BRINP3: variants seen among roughly 807,000 people sequenced by gnomAD.
The protein encoded by BRINP3 is BMP/retinoic acid inducible neural specific 3.
In BRINP3, 19 loss-of-function variants were observed where a neutral mutation model predicts 71.0. The observed-to-expected ratio is 0.27, with a 90% CI of 0.19 to 0.39. The LOEUF (loss-of-function observed/expected upper bound fraction) is 0.39. Among genes scored for constraint, BRINP3 ranks in the 10% least tolerant of loss-of-function variants. The pLI is 1.00. For synonymous variants in BRINP3, 380 were observed against 337.7 expected (o/e 1.13, Z -1.37); for missense variants, 959 against 940.8 (o/e 1.02, Z -0.25).
chr1:190,173,477 C>G (rs191259155), intron 6 of BRINP3, among the ~76,000 whole-genome samples: 1 of 152,172 alleles, frequency 6.6e-6, no homozygotes, highest in Non-Finnish European at 1.5e-5. Flanking sequence ...ATACATTGGT[C>G]TTCATCTCCT....
At chr1:190,440,622 A>C (rs1254484234) in intron 2 of BRINP3, among the ~76,000 whole-genome samples, 1 of 151,966 alleles carries the variant, frequency 6.6e-6, no homozygotes, top group African/African-American at 2.4e-5. Context: ...AGGCTGATAA[A>C]ATTTTATACA....
chr1:190,437,908 T>G (rs2102541559), intron 2 of BRINP3, among the ~76,000 whole-genome samples: 1 of 151,844 alleles, frequency 6.6e-6, no homozygotes, highest in African/African-American at 2.4e-5. Context: ...CTACGGGATT[T>G]TGTTACAAAT....
intron 3 of BRINP3, among the ~76,000 whole-genome samples, chr1:190,276,464 C>A (rs1662560723): frequency 6.6e-6 from 1 of 151,466 alleles, no homozygotes; most frequent in African/African-American, 2.4e-5. Flanking sequence ...AGTTCTTATT[C>A]TTATGGGAAT....
Position 190,454,740 on chromosome 1 carries a change from T to C in BRINP3, c.151A>G (p.Lys51Glu). Residue 51 changes from lysine to glutamate, a missense_variant, in exon 2 of 8, where the codon AAG (lysine) becomes GAG (glutamate). Coordinates refer to ENST00000367462, the MANE Select transcript of BRINP3 (RefSeq NM_199051.3). Reference protein sequence around the residue: ...TSPFDWLLSDKGPFHRSQEYT... With the variant: ...TSPFDWLLSDEGPFHRSQEYT... ...TCCTGTGAGCGATGGAAGGGTCCCT[T>C]ATCAGAGAGGAGCCAGTCGAAGGGG... 2 of 1,614,148 alleles carry C rather than the reference T, an allele frequency of 1.2e-6. No homozygotes were observed. The highest frequency in any genetic ancestry group is 1.7e-6 in the Non-Finnish European group (2 of 1,180,030).
At position 190,405,031 on chromosome 1, in the gene BRINP3, G is replaced by A. The variant is rs141222970; in HGVS notation, c.236+49624C>T. Among the ~76,000 whole-genome samples the A allele has an allele frequency of 4.7e-4, 72 of 152,162 alleles. 1 individual carries two copies. Among genetic ancestry groups the A allele is most frequent in the Non-Finnish European group, 9.0e-4 (61 of 67,992 alleles). ...TATTAAAAAATGAACCAAAAAGAAA[G>A]CGACTGTTCTTTAATTTATGGAAGT... is the stretch of plus-strand genomic sequence containing the variant. On this transcript the variant is annotated intron_variant, in intron 2 of 7. Transcript: ENST00000367462.
At chr1:190,179,525 C>A (rs1652844830) in intron 6 of BRINP3, among the ~76,000 whole-genome samples, 5 of 152,072 alleles carry the variant, frequency 3.3e-5, no homozygotes, top group Non-Finnish European at 7.4e-5. Flanking sequence ...TCCATTTTTT[C>A]TACACTGTTT....
chr1:190,182,333 G>A (rs1339136916), intron 6 of BRINP3, among the ~76,000 whole-genome samples: 2 of 151,934 alleles, frequency 1.3e-5, no homozygotes. Context: ...TGGATCTTTT[G>A]TTAGAGTACT....
intron 2 of BRINP3, among the ~76,000 whole-genome samples, chr1:190,360,534 C>A (rs923073694): frequency 3.3e-5 from 5 of 152,108 alleles, no homozygotes; most frequent in Non-Finnish European, 5.9e-5. Flanking sequence ...CATATGAATT[C>A]TTTCATTAAC....
chr1:190,178,808 C>T (rs1239712603), intron 6 of BRINP3, among the ~76,000 whole-genome samples: 1 of 151,904 alleles, frequency 6.6e-6, no homozygotes, highest in East Asian at 1.9e-4. Context: ...AATGATAAAA[C>T]AATATCTCAG....
At chr1:190,448,462 T>TG (rs369062394) in intron 2 of BRINP3, among the ~76,000 whole-genome samples, 30,471 of 118,406 alleles carry the variant, frequency 0.26, 3,158 homozygotes, top group Middle Eastern at 0.29. Flanking sequence ...ACACTTGGGG[T>TG]TTGTGTGTGT....
chr1:190,251,870 T>C (rs905112761), intron 4 of BRINP3, among the ~76,000 whole-genome samples: 1 of 146,224 alleles, frequency 6.8e-6, no homozygotes, highest in Non-Finnish European at 1.5e-5. Flanking sequence ...CAACAAATAG[T>C]TTCCTTATTT....
intron 1 of BRINP3, among the ~76,000 whole-genome samples, chr1:190,468,307 T>G (rs986659960): frequency 1.4e-4 from 21 of 151,274 alleles, no homozygotes; most frequent in Non-Finnish European, 2.5e-4. Context: ...CACTTATTAT[T>G]GGAGCTGCTG....
intron 7 of BRINP3, among the ~76,000 whole-genome samples, chr1:190,121,496 C>T (rs908610830): frequency 6.6e-6 from 1 of 152,028 alleles, no homozygotes; most frequent in Middle Eastern, 3.2e-3. Context: ...TAACAATGTG[C>T]TATTGATATG....
intron 4 of BRINP3, among the ~76,000 whole-genome samples, chr1:190,257,483 C>T (rs1289424477): frequency 6.6e-6 from 1 of 152,114 alleles, no homozygotes; most frequent in East Asian, 1.9e-4. Flanking sequence ...CTGAAGCCTA[C>T]TTCAGAGTTA....
chr1:190,343,749 A>G (rs1294482383), intron 2 of BRINP3, among the ~76,000 whole-genome samples: 1 of 151,686 alleles, frequency 6.6e-6, no homozygotes, highest in East Asian at 1.9e-4. Context: ...ATGTACTTCA[A>G]TTACACTAAT....
intron 7 of BRINP3, among the ~76,000 whole-genome samples, chr1:190,139,120 A>G (rs1176763601): frequency 6.6e-6 from 1 of 151,852 alleles, no homozygotes; most frequent in Non-Finnish European, 1.5e-5. Flanking sequence ...GGTAAAATAG[A>G]TGGGTCACTG....
intron 1 of BRINP3, among the ~76,000 whole-genome samples, chr1:190,468,486 A>C (rs1676913100): frequency 6.6e-6 from 1 of 151,278 alleles, no homozygotes; most frequent in South Asian, 2.1e-4. Flanking sequence ...ATATTTGTTA[A>C]AATTTCTTCA....
At chr1:190,150,992 T>C (rs907847913) in intron 7 of BRINP3, among the ~76,000 whole-genome samples, 5 of 151,812 alleles carry the variant, frequency 3.3e-5, no homozygotes, top group East Asian at 1.9e-4. Flanking sequence ...CTACCAAAAA[T>C]ATAAAAAAAT....
At chr1:190,152,461 G>T (rs1656478835) in intron 7 of BRINP3, among the ~76,000 whole-genome samples, 1 of 150,186 alleles carries the variant, frequency 6.7e-6, no homozygotes, top group African/African-American at 2.4e-5. Flanking sequence ...ATAATGAGAT[G>T]ATCATTTTGA....
Sources: allele counts gnomAD v4.1 joint callset (sites outside exome capture counted in the v4.1 genomes callset), GRCh38; gene constraint gnomAD v4.1.1; transcripts MANE v1.5; gene names NCBI Gene and HGNC (gene_info 2026-07-23, HGNC 2026-07-21).